Variants in ZFHX3 observed in about 807,000 individuals in gnomAD.
ZFHX3 encodes the protein zinc finger homeobox protein 3.
Under a neutral mutation model 279.1 loss-of-function variants are expected in ZFHX3, and 42 were observed. The ratio of observed to expected loss-of-function variants is 0.15; its 90% confidence interval spans 0.12 to 0.19. ZFHX3 has a LOEUF of 0.19. Among genes scored for constraint, ZFHX3 ranks in the 10% least tolerant of loss-of-function variants. The probability of loss-of-function intolerance (pLI) is 1.00; values close to 1 mark genes in which losing one functional copy is unlikely to be tolerated. For missense variants in ZFHX3, 4,981 were observed against 4,754.0 expected (o/e 1.05, Z -1.40); for synonymous variants, 2,293 against 1,957.8 (o/e 1.17, Z -4.52).
upstream of ZFHX3, chr16:73,060,455 A>T (rs1247391719): frequency 6.6e-6 from 1 of 152,066 alleles, no homozygotes; most frequent in Non-Finnish European, 1.5e-5. Flanking sequence ...GGTACCTCCA[A>T]AAAGCAAGCA....
intron 5 of ZFHX3, among the ~76,000 whole-genome samples, chr16:73,176,826 T>C (rs1375063991): frequency 1.3e-5 from 2 of 152,048 alleles, no homozygotes; most frequent in Non-Finnish European, 2.9e-5. Context: ...GGGAATGCAA[T>C]GATGTAATAA....
chr16:73,003,764 C>T (rs1474691224), intron 1 of ZFHX3, among the ~76,000 whole-genome samples: 1 of 151,900 alleles, frequency 6.6e-6, no homozygotes, highest in African/African-American at 2.4e-5. Context: ...TAGTATTTTA[C>T]TAGTGGCATA....
intron 1 of ZFHX3, among the ~76,000 whole-genome samples, chr16:73,804,029 C>T (rs912384902): frequency 1.3e-5 from 2 of 152,078 alleles, no homozygotes; most frequent in Non-Finnish European, 2.9e-5. Context: ...TGGTGGCACA[C>T]ATCTGTAGCC....
At chr16:72,924,994 A>C (rs1478372304) in intron 3 of ZFHX3, among the ~76,000 whole-genome samples, 1 of 152,028 alleles carries the variant, frequency 6.6e-6, no homozygotes, top group Admixed American at 6.6e-5. Flanking sequence ...GCAAGTCTGA[A>C]CTCTGTCCAG....
chr16:73,851,659 C>A (rs572990190), intron 1 of ZFHX3, among the ~76,000 whole-genome samples: 1 of 152,116 alleles, frequency 6.6e-6, no homozygotes, highest in Non-Finnish European at 1.5e-5. Context: ...TTAGAGGGGA[C>A]GACGAAGCTA....
chr16:72,989,129 C>T (rs1962965613), intron 1 of ZFHX3, among the ~76,000 whole-genome samples: 1 of 56,172 alleles, frequency 1.8e-5, no homozygotes, highest in Non-Finnish European at 3.9e-5. Flanking sequence ...GCCAAGATCA[C>T]ATCACTGCAC....
chr16:73,495,451 C>A (rs905575420), intron 2 of ZFHX3, among the ~76,000 whole-genome samples: 3 of 152,184 alleles, frequency 2.0e-5, no homozygotes, highest in African/African-American at 7.2e-5. Context: ...AATGCTTTGG[C>A]TAAAATGGAA....
intron 6 of ZFHX3, among the ~76,000 whole-genome samples, chr16:73,134,331 C>CTTTTTTTTT (rs58052486): frequency 2.0e-5 from 1 of 50,282 alleles, no homozygotes; most frequent in African/African-American, 1.0e-4. Context: ...CTCCCCACCT[C>CTTTTTTTTT]TTTTTTTTTT....
intron 2 of ZFHX3, among the ~76,000 whole-genome samples, chr16:73,665,151 A>C (rs1048983990): frequency 6.6e-6 from 1 of 152,138 alleles, no homozygotes; most frequent in African/African-American, 2.4e-5. Flanking sequence ...AATGCAATGA[A>C]AGTGGTCATA....
chr16:72,814,137 C>T (rs1327601669), intron 5 of ZFHX3, among the ~76,000 whole-genome samples: 2 of 152,116 alleles, frequency 1.3e-5, no homozygotes, highest in Non-Finnish European at 2.9e-5. Flanking sequence ...CTATTGTGAA[C>T]TCCAATCAGT....
chr16:73,371,123 A>T (rs868149388), intron 3 of ZFHX3, among the ~76,000 whole-genome samples: 4 of 151,830 alleles, frequency 2.6e-5, no homozygotes, highest in African/African-American at 9.7e-5. Context: ...GGAGTTCAAG[A>T]CCAGCCTGGC....
At chr16:72,865,535 T>G (rs1236591372) in intron 4 of ZFHX3, among the ~76,000 whole-genome samples, 1 of 152,200 alleles carries the variant, frequency 6.6e-6, no homozygotes, top group Non-Finnish European at 1.5e-5. Context: ...CCCCACCCAA[T>G]GTGCCAACCC....
intron 1 of ZFHX3, chr16:73,005,803 G>C (rs1432764601): frequency 6.6e-6 from 1 of 152,046 alleles, no homozygotes; most frequent in Non-Finnish European, 1.5e-5. Flanking sequence ...AAAAAAAAAG[G>C]TCTTCAGCAT....
In ZFHX3 at chr16:73,327,420, T is replaced by G. The variant is rs117537875; in HGVS notation, c.-1290-9084A>C. On this transcript the variant is annotated intron_variant, in intron 3 of 17. Coordinates refer to the ZFHX3 transcript ENST00000641206. ...CCTTAACCAAACAACCCTCTTCTAT[T>G]CCCTCCCCAACTTCCCTAGAAGCAG... 9.3e-3 allele frequency among the ~76,000 whole-genome samples: 1,419 copies of G among 152,252 alleles called. 17 individuals carry two copies. The highest frequency in any genetic ancestry group is 0.033 in the South Asian group (157 of 4,826).
chr16:73,592,212 G>A (rs533027592), intron 2 of ZFHX3, among the ~76,000 whole-genome samples: 1 of 152,252 alleles, frequency 6.6e-6, no homozygotes, highest in Admixed American at 6.5e-5. Context: ...CAGCATGGGC[G>A]ACAGAGTGAG....
chr16:72,795,330 T>A lies in ZFHX3; in HGVS notation c.7352A>T (p.Lys2451Met). 1.2e-6 allele frequency: 2 copies of A among 1,614,084 alleles called. No homozygotes were observed. Among genetic ancestry groups the A allele is most frequent in the Non-Finnish European group, 1.7e-6 (2 of 1,180,024 alleles). ...NQTQEKQGQP[K>M]PELQQQEQPE... ...CTGCTCTTGCTGCTGCAGCTCTGGCTTTGGTTGTCCTTGCTTTTCTTGGGT... is the reference window on the plus strand; with the variant it reads ...CTGCTCTTGCTGCTGCAGCTCTGGCATTGGTTGTCCTTGCTTTTCTTGGGT... The change falls in exon 9 of 10, where the codon AAG (lysine) becomes ATG (methionine). Residue 2451 changes from lysine (K) to methionine (M), a missense_variant. Coordinates refer to ENST00000268489, the MANE Select transcript of ZFHX3 (RefSeq NM_006885.4).
intron 2 of ZFHX3, among the ~76,000 whole-genome samples, chr16:73,471,419 T>C (rs1167693829): frequency 1.3e-5 from 2 of 152,134 alleles, no homozygotes; most frequent in Non-Finnish European, 1.5e-5. Context: ...TTCTTTCTTT[T>C]TTTTTTTAGA....
chr16:73,296,274 G>C (rs745321806), intron 4 of ZFHX3, among the ~76,000 whole-genome samples: 2 of 152,110 alleles, frequency 1.3e-5, no homozygotes, highest in Non-Finnish European at 2.9e-5. Context: ...TACAAGCTAA[G>C]ACCTTGTATG....
rs2035420967 is a variant in ZFHX3 at position 72,787,160 on chromosome 16, A to G, written c.*4T>C. The G allele has an allele frequency of 2.0e-6, 3 of 1,500,776 alleles. No individual in the cohort carries two copies. The highest frequency in any genetic ancestry group is 1.4e-5 in the African/African-American group (1 of 71,462). The allele number at this position is 1,500,776 out of a possible 1,614,324, so 93.0% of individuals were successfully genotyped here. A position where few individuals can be genotyped will look rare whatever the true frequency, so the allele number is the denominator to read the frequency against. ...CATTTGTTTGTATTGTTCATCTTCA[A>G]AGCTTACAATCTGAAGGTGTCCGTT... On this transcript the variant is annotated 3_prime_UTR_variant, in exon 10 of 10. Transcript: ENST00000268489.
Sources: gnomAD v4.1 joint callset for allele counts (sites outside exome capture counted in the v4.1 genomes callset) on GRCh38, gnomAD v4.1.1 for gene constraint, MANE v1.5 for transcripts, NCBI Gene and HGNC (gene_info 2026-07-23, HGNC 2026-07-21) for gene names.